LTBP1: variants seen among roughly 807,000 people sequenced by gnomAD.
LTBP1 encodes latent transforming growth factor beta binding protein 1, also known as latent-transforming growth factor beta-binding protein 1.
LTBP1 carries 129 observed loss-of-function variants against 207.6 expected under a neutral mutation model. The observed-to-expected ratio is 0.62, with a 90% CI of 0.54 to 0.72. LTBP1 has a LOEUF of 0.72. Ranked by LOEUF, LTBP1 falls within the 30% of genes least tolerant of loss-of-function variation. The probability of loss-of-function intolerance (pLI) is 0.00; values close to 1 mark genes in which losing one functional copy is unlikely to be tolerated. For missense variants in LTBP1, 2,281 were observed against 2,217.2 expected, an observed-to-expected ratio of 1.03 and a Z score of -0.58; for synonymous variants, 963 against 833.7, an observed-to-expected ratio of 1.16 and a Z score of -2.67.
chr2:33,174,033 A>C lies in LTBP1; in HGVS notation c.1202-12823A>C, dbSNP rs1407117685. ...AAATAATAAGAGCTATCTATGACAA[A>C]CCCACAGCCAATATCATACTGAATG... On this transcript the variant is annotated intron_variant, in intron 5 of 33. Coordinates refer to ENST00000404816, the MANE Select transcript of LTBP1 (RefSeq NM_206943.4). Among the ~76,000 whole-genome samples the C allele has an allele frequency of 7.9e-4, 110 of 140,040 alleles. 1 individual carries two copies. The highest frequency in any genetic ancestry group is 3.5e-3 in the Middle Eastern group (1 of 288). 91.9% of individuals were successfully genotyped at this position (140,040 alleles called of 152,430 possible). A position where few individuals can be genotyped will look rare whatever the true frequency, so the allele number is the denominator to read the frequency against.
At chr2:33,273,180 G>T (rs1190138861) in intron 15 of LTBP1, among the ~76,000 whole-genome samples, 1 of 152,094 alleles carries the variant, frequency 6.6e-6, no homozygotes, top group East Asian at 1.9e-4. Context: ...AATTTTGGAG[G>T]AGATTGGATG....
In LTBP1 at chr2:33,358,501, A is replaced by G. The variant is rs923535722; in HGVS notation, c.4001-2096A>G. On this transcript the variant is annotated intron_variant, in intron 26 of 33. Transcript: ENST00000404816. ...GACATGCTTTGGACTCGAGAAGCCT[A>G]TAGTTTCTAATTACCTGTGAGTATA... is the stretch of plus-strand genomic sequence containing the variant. Among the ~76,000 whole-genome samples the G allele has an allele frequency of 9.2e-5, 14 of 152,096 alleles. No homozygotes were observed. In the East Asian group the frequency reaches 2.1e-3, roughly 23 times the overall value.
At chr2:33,168,983 C>T (rs1426456312) in intron 5 of LTBP1, among the ~76,000 whole-genome samples, 4 of 152,170 alleles carry the variant, frequency 2.6e-5, no homozygotes, top group Admixed American at 2.0e-4. Context: ...GAGGCCTTGG[C>T]TGTGGCAGCA....
chr2:33,369,580 CAG>C (rs1342483661), intron 31 of LTBP1, among the ~76,000 whole-genome samples: 63 of 152,130 alleles, frequency 4.1e-4, no homozygotes, highest in Non-Finnish European at 7.4e-4. Context: ...TATTTTTTGA[CAG>C]AGTCTCGCTC....
intron 2 of LTBP1, among the ~76,000 whole-genome samples, chr2:32,997,744 C>G (rs1206449103): frequency 2.0e-5 from 3 of 152,150 alleles, no homozygotes; most frequent in Admixed American, 2.0e-4. Context: ...GATGTGCAGA[C>G]CAGCTTAGCT....
chr2:33,297,960 A>G (rs1305939604), intron 20 of LTBP1, among the ~76,000 whole-genome samples: 1 of 152,154 alleles, frequency 6.6e-6, no homozygotes. Flanking sequence ...CTCTGGATCC[A>G]TCTGATGTTT....
rs73925694 is a variant in LTBP1 at position 33,342,163 on chromosome 2, T to C, written c.3731-675T>C. On this transcript the variant is annotated intron_variant, in intron 24 of 33. Transcript: ENST00000404816. ...ACTTTTATAAGAACATTTTTATTAA[T>C]GAGAAAAAAAGGCAGAAGATCACTC... is the stretch of plus-strand genomic sequence containing the variant. Among the ~76,000 whole-genome samples the C allele has an allele frequency of 5.8e-3, 890 of 152,268 alleles. 13 individuals are homozygous for C. The highest frequency in any genetic ancestry group is 0.02 in the African/African-American group (847 of 41,550).
Position 33,067,216 on chromosome 2 carries a change from G to A in LTBP1, c.864-43366G>A, listed in dbSNP as rs57260033. 5.9e-3 allele frequency among the ~76,000 whole-genome samples: 902 copies of A among 152,262 alleles called. 7 individuals carry two copies. The highest frequency in any genetic ancestry group is 0.019 in the African/African-American group (777 of 41,552). On this transcript the variant is annotated intron_variant, in intron 3 of 33. Coordinates refer to ENST00000404816, the MANE Select transcript of LTBP1 (RefSeq NM_206943.4). ...TTCTGAACAGGATAAATTGACTTTA[G>A]CTACTATTGAAGACTGAGTGGCTTT...
intron 24 of LTBP1, among the ~76,000 whole-genome samples, chr2:33,318,894 C>G (rs2094312303): frequency 6.6e-6 from 1 of 152,190 alleles, no homozygotes; most frequent in Non-Finnish European, 1.5e-5. Context: ...AAATACTCAT[C>G]ATCAAGCCTG....
chr2:33,116,788 A>G (rs1400486727), intron 4 of LTBP1, among the ~76,000 whole-genome samples: 1 of 151,858 alleles, frequency 6.6e-6, no homozygotes, highest in African/African-American at 2.4e-5. Flanking sequence ...TAAATTGCAA[A>G]AAAAAAAAAG....
intron 12 of LTBP1, among the ~76,000 whole-genome samples, chr2:33,258,738 A>G (rs1360290628): frequency 6.6e-6 from 1 of 152,162 alleles, no homozygotes; most frequent in African/African-American, 2.4e-5. Context: ...CAACCCCAAG[A>G]ATATTGCAGC....
intron 18 of LTBP1, among the ~76,000 whole-genome samples, chr2:33,277,825 C>CTTT (rs1558933983): frequency 5.8e-5 from 5 of 86,396 alleles, no homozygotes; most frequent in African/African-American, 2.7e-4. Context: ...TTCTTTCTTT[C>CTTT]TTTCTTTTTT....
Position 33,110,630 on chromosome 2 carries a change from C to G in LTBP1, c.912C>G (p.Thr304=). The change falls in exon 4 of 34, where the codon ACC becomes ACG. Residue 304 remains threonine (T), a synonymous_variant. Coordinates refer to ENST00000404816, the MANE Select transcript of LTBP1 (RefSeq NM_206943.4). ...GTGTGGTGATTCACCATGGCCAGAC[C>G]CAGGAATACGTGCTCAAGCCCAAGT... ...SQSVVIHHGQ[T]QEYVLKPKYF... is the part of the protein sequence containing the mutation. 6.2e-7 allele frequency: 1 copy of G among 1,614,090 alleles called. No homozygotes were observed. The highest frequency in any genetic ancestry group is 1.1e-5 in the South Asian group (1 of 91,062).
At chr2:33,174,788 G>A (rs1333664538) in intron 5 of LTBP1, among the ~76,000 whole-genome samples, 1 of 152,092 alleles carries the variant, frequency 6.6e-6, no homozygotes, top group Non-Finnish European at 1.5e-5. Flanking sequence ...AAAACAGCAT[G>A]GTACTGGTAC....
At chr2:33,123,720 C>T (rs2081278070) in intron 4 of LTBP1, among the ~76,000 whole-genome samples, 1 of 152,170 alleles carries the variant, frequency 6.6e-6, no homozygotes, top group Non-Finnish European at 1.5e-5. Context: ...TTCTTTGTCC[C>T]AGCAAAGACA....
chr2:33,240,645 C>CTTT (rs869193074), intron 9 of LTBP1, among the ~76,000 whole-genome samples: 1,543 of 100,686 alleles, frequency 0.015, 44 homozygotes, highest in Non-Finnish European at 0.022. Context: ...TGGAAACATT[C>CTTT]TTTTTTTTTT....
intron 2 of LTBP1, among the ~76,000 whole-genome samples, chr2:32,997,624 C>T (rs1366749378): frequency 6.6e-6 from 1 of 152,190 alleles, no homozygotes; most frequent in African/African-American, 2.4e-5. Flanking sequence ...GGTCGGGATC[C>T]TGTGCCTTCA....
chr2:33,125,353 G>T (rs2081365102), intron 4 of LTBP1, among the ~76,000 whole-genome samples: 1 of 152,152 alleles, frequency 6.6e-6, no homozygotes, highest in Non-Finnish European at 1.5e-5. Context: ...TTTGCTCTCT[G>T]CAGCCTAGTA....
At chr2:33,242,685 TAAAAAA>T (rs200164588) in intron 9 of LTBP1, among the ~76,000 whole-genome samples, 1 of 138,234 alleles carries the variant, frequency 7.2e-6, no homozygotes. Flanking sequence ...CAGTTGTTCT[TAAAAAA>T]AAAAAAAAAA....
Sources: allele counts gnomAD v4.1 joint callset (sites outside exome capture counted in the v4.1 genomes callset), GRCh38; gene constraint gnomAD v4.1.1; transcripts MANE v1.5; gene names NCBI Gene and HGNC (gene_info 2026-07-23, HGNC 2026-07-21).